Variants in CADPS2 observed in about 807,000 individuals in gnomAD.
The protein encoded by CADPS2 is calcium-dependent secretion activator 2.
In CADPS2, 93 loss-of-function variants were observed where a neutral mutation model predicts 172.5. That is an observed-to-expected ratio of 0.54 (90% CI 0.46 to 0.64). The LOEUF (loss-of-function observed/expected upper bound fraction) is 0.64, where lower values mean the gene tolerates loss of function less well. CADPS2 is among the 30% of genes least tolerant of loss of function. The pLI is 0.00. For missense variants in CADPS2, 1,420 were observed against 1,565.9 expected (o/e 0.91, Z 1.57); for synonymous variants, 546 against 555.2 (o/e 0.98, Z 0.23).
chr7:122,375,418 G>C (rs187169133), intron 25 of CADPS2, among the ~76,000 whole-genome samples: 1 of 152,176 alleles, frequency 6.6e-6, no homozygotes, highest in East Asian at 1.9e-4. Flanking sequence ...GAACAAAACA[G>C]AGAGCTCAGA....
At chr7:122,755,686 A>G (rs2093128958) in intron 1 of CADPS2, among the ~76,000 whole-genome samples, 1 of 152,130 alleles carries the variant, frequency 6.6e-6, no homozygotes, top group Non-Finnish European at 1.5e-5. Context: ...TGTTTTGCAG[A>G]GAAAAACCCA....
At chr7:122,515,706 T>G (rs1027075864) in intron 8 of CADPS2, among the ~76,000 whole-genome samples, 1 of 152,138 alleles carries the variant, frequency 6.6e-6, no homozygotes. Context: ...TCAGTGTCAG[T>G]CTTGCTGACA....
At chr7:122,749,533 G>A (rs2092859731) in intron 1 of CADPS2, among the ~76,000 whole-genome samples, 1 of 152,026 alleles carries the variant, frequency 6.6e-6, no homozygotes, top group African/African-American at 2.4e-5. Flanking sequence ...ACCTAAAACA[G>A]AAACATTAGC....
chr7:122,630,549 A>G (rs1387448798), intron 3 of CADPS2, among the ~76,000 whole-genome samples: 1 of 152,128 alleles, frequency 6.6e-6, no homozygotes, highest in Non-Finnish European at 1.5e-5. Context: ...ACTCTTCACA[A>G]GCCACATTAG....
intron 2 of CADPS2, chr7:122,681,696 T>G (rs2083064713): frequency 1.1e-6 from 1 of 886,272 alleles, no homozygotes; most frequent in African/African-American, 1.7e-5. Context: ...AGACAGGTTA[T>G]TCTCTGGAGA....
chr7:122,525,655 T>A lies in CADPS2; in HGVS notation c.1476-12340A>T, dbSNP rs75299245. ...TTCTGAAAAATGCATCATGAGGCAATTTTGTCTTTGTGAGAAGGTAACAGA... is the reference window on the plus strand; with the variant it reads ...TTCTGAAAAATGCATCATGAGGCAAATTTGTCTTTGTGAGAAGGTAACAGA... On this transcript the variant is annotated intron_variant, in intron 8 of 29. Transcript: ENST00000449022. Among the ~76,000 whole-genome samples the A allele has an allele frequency of 6.2e-3, 949 of 152,278 alleles. 5 individuals are homozygous for A. Among genetic ancestry groups the A allele is most frequent in the African/African-American group, 0.022 (898 of 41,546 alleles).
chr7:122,387,836 C>T (rs573004671), intron 23 of CADPS2, among the ~76,000 whole-genome samples: 12 of 151,500 alleles, frequency 7.9e-5, no homozygotes, highest in Non-Finnish European at 1.5e-4. Flanking sequence ...CAGGGCCTTG[C>T]CTTAAGGGGC....
chr7:122,377,389 T>C (rs191692626), intron 25 of CADPS2, among the ~76,000 whole-genome samples: 69 of 152,290 alleles, frequency 4.5e-4, no homozygotes, highest in African/African-American at 1.7e-3. Context: ...CTGCCTTCTC[T>C]GTACTCTTCC....
chr7:122,621,339 G>C, intron 5 of CADPS2, 142 bp downstream of exon 5: 2 of 607,766 alleles, frequency 3.3e-6, no homozygotes, highest in Non-Finnish European at 5.8e-6. Flanking sequence ...TAAGCTGAGT[G>C]TCCAACAAAT....
intron 1 of CADPS2, among the ~76,000 whole-genome samples, chr7:122,863,009 T>C (rs1817358438): frequency 6.6e-6 from 1 of 152,162 alleles, no homozygotes; most frequent in South Asian, 2.1e-4. Context: ...TTTTTTGACA[T>C]TTTGAAATAA....
intron 11 of CADPS2, among the ~76,000 whole-genome samples, chr7:122,485,376 CAAAT>C (rs1278241429): frequency 2.0e-5 from 3 of 152,136 alleles, no homozygotes; most frequent in Non-Finnish European, 4.4e-5. Flanking sequence ...AGTGAACACA[CAAAT>C]AATAAGAAAG....
chr7:122,628,724 A>C (rs1216010435), intron 4 of CADPS2, among the ~76,000 whole-genome samples: 1 of 149,908 alleles, frequency 6.7e-6, no homozygotes, highest in Non-Finnish European at 1.5e-5. Flanking sequence ...TCACACAAAT[A>C]AAATAAGTAC....
chr7:122,419,077 C>A (rs1429177001), intron 17 of CADPS2, among the ~76,000 whole-genome samples: 1 of 152,142 alleles, frequency 6.6e-6, no homozygotes, highest in African/African-American at 2.4e-5. Flanking sequence ...TGTTGCTAAA[C>A]TGTACTAGAT....
chr7:122,586,649 A>G (rs150979455), intron 6 of CADPS2, among the ~76,000 whole-genome samples: 291 of 152,072 alleles, frequency 1.9e-3, no homozygotes, highest in Non-Finnish European at 2.5e-3. Context: ...TCTTATTTCT[A>G]TTCAACAAAA....
chr7:122,366,445 A>AC (rs1401598579), intron 25 of CADPS2, among the ~76,000 whole-genome samples: 4 of 150,356 alleles, frequency 2.7e-5, no homozygotes, highest in Non-Finnish European at 5.9e-5. Context: ...TCTACTAAAA[A>AC]AAAAAAAAAA....
At chr7:122,399,730 A>C (rs2045685715) in intron 20 of CADPS2, among the ~76,000 whole-genome samples, 1 of 119,586 alleles carries the variant, frequency 8.4e-6, no homozygotes. Flanking sequence ...TCTGTCACCA[A>C]GTCTGGAGTG....
intron 9 of CADPS2, among the ~76,000 whole-genome samples, chr7:122,493,543 T>C (rs991964006): frequency 3.9e-5 from 6 of 152,074 alleles, no homozygotes; most frequent in African/African-American, 1.4e-4. Flanking sequence ...GCTGATTAGA[T>C]AAGCAAAAAT....
chr7:122,851,692 C>A (rs1281068783), intron 1 of CADPS2, among the ~76,000 whole-genome samples: 1 of 152,104 alleles, frequency 6.6e-6, no homozygotes, highest in Non-Finnish European at 1.5e-5. Context: ...TATATGGCAA[C>A]AGTCAAGAGA....
chr7:122,596,302 G>A (rs114238405), intron 6 of CADPS2, among the ~76,000 whole-genome samples: 1,673 of 152,152 alleles, frequency 0.011, 31 homozygotes, highest in African/African-American at 0.039. Context: ...TTAAAGGGGT[G>A]GAAATCACTG....
Sources: allele counts gnomAD v4.1 joint callset (sites outside exome capture counted in the v4.1 genomes callset), GRCh38; gene constraint gnomAD v4.1.1; transcripts MANE v1.5; gene names NCBI Gene and HGNC (gene_info 2026-07-23, HGNC 2026-07-21).